The following LRRC9 variants were observed in gnomAD, a reference collection of about 807,000 sequenced individuals.
LRRC9 encodes leucine rich repeat containing 9.
LRRC9 carries 122 observed loss-of-function variants against 63.2 expected under a neutral mutation model. That is an observed-to-expected ratio of 1.93 (90% CI 1.67 to 2.24). The LOEUF (loss-of-function observed/expected upper bound fraction) is 2.24. LRRC9 is among the 30% of genes most tolerant of loss of function. The pLI, the probability that LRRC9 is intolerant of heterozygous loss-of-function variation, is 0.00. For synonymous variants in LRRC9, 366 were observed against 213.1 expected (o/e 1.72, Z -6.25); for missense variants, 1,071 against 627.7 (o/e 1.71, Z -7.55).
chr14:59,937,538 A>T (rs1162802069), intron 6 of LRRC9, among the ~76,000 whole-genome samples: 1 of 152,154 alleles, frequency 6.6e-6, no homozygotes, highest in Non-Finnish European at 1.5e-5. Flanking sequence ...AATTGGGGTG[A>T]AGTTCAGGCC....
chr14:59,959,455 A>G (rs1196506337), intron 8 of LRRC9, among the ~76,000 whole-genome samples: 1 of 152,244 alleles, frequency 6.6e-6, no homozygotes, highest in Non-Finnish European at 1.5e-5. Context: ...TGAATTTTAA[A>G]TATTTGTACT....
chr14:59,946,516 T>C (rs35346401), intron 8 of LRRC9, among the ~76,000 whole-genome samples: 25,778 of 149,562 alleles, frequency 0.17, 2,606 homozygotes, highest in East Asian at 0.28. Flanking sequence ...TTTTTTTTTT[T>C]AAATTATACT....
Position 60,051,717 on chromosome 14 carries a change from C to T in LRRC9, c.3991-1348C>T, listed in dbSNP as rs139877956. 2.2e-3 allele frequency among the ~76,000 whole-genome samples: 328 copies of T among 152,294 alleles called. 2 individuals carry two copies. Among genetic ancestry groups the T allele is most frequent in the African/African-American group, 7.7e-3 (319 of 41,562 alleles). The stretch of plus-strand genomic sequence containing the variant: ...CAGATCTACTGCCTTGCCAGAATCC[C>T]GGCGCTGGAGTATATAAAACTTCTG... On this transcript the variant is annotated intron_variant, in intron 29 of 31. Coordinates refer to ENST00000445360, the Ensembl canonical transcript of LRRC9. This position sits in a 1 kb window ranked among gnomAD's most constrained non-coding sequence, Gnocchi z 4.7.
chr14:59,930,161 A>T lies in LRRC9; in HGVS notation c.268-757A>T, dbSNP rs1889576240. Among the ~76,000 whole-genome samples the T allele has an allele frequency of 6.6e-6, 1 of 152,098 alleles. No homozygotes were observed. Among genetic ancestry groups the T allele is most frequent in the South Asian group, 2.1e-4 (1 of 4,828 alleles). ...AAACATATTCTACTTTTTAGTAATC[A>T]AATCATAACCAGTACTACGTAGTAA... On this transcript the variant is annotated intron_variant, in intron 3 of 31. Coordinates refer to ENST00000445360, the Ensembl canonical transcript of LRRC9. This position sits in a 1 kb window ranked among gnomAD's most constrained non-coding sequence, Gnocchi z 4.9.
intron 29 of LRRC9, among the ~76,000 whole-genome samples, chr14:60,034,489 C>G (rs1892266987): frequency 6.6e-6 from 1 of 151,774 alleles, no homozygotes; most frequent in African/African-American, 2.4e-5. Context: ...CCTTTCATTC[C>G]CATCTCTCAT....
intron 29 of LRRC9, among the ~76,000 whole-genome samples, chr14:60,035,929 T>C (rs1458302345): frequency 6.8e-6 from 1 of 147,070 alleles, no homozygotes; most frequent in Non-Finnish European, 1.5e-5. Context: ...TGTCATTTTT[T>C]TTAACAACAG....
At position 59,947,428 on chromosome 14, in the gene LRRC9, T is replaced by C. The variant is rs1462947281; in HGVS notation, c.882+2684T>C. 5.6e-5 allele frequency among the ~76,000 whole-genome samples: 7 copies of C among 125,134 alleles called. 1 individual carries two copies. Among genetic ancestry groups the C allele is most frequent in the Non-Finnish European group, 1.1e-4 (7 of 60,886 alleles). The allele number at this position is 125,134 out of a possible 152,430, so 82.1% of individuals were successfully genotyped here. ...ATTAGCCCTTTGTCAGATGAGTAGG[T>C]TGCAAAAATTTTCTCCCATGTTGTA... On this transcript the variant is annotated intron_variant, in intron 8 of 31. Transcript: ENST00000445360.
At chr14:60,012,318 C>A (rs181773673) in intron 23 of LRRC9, among the ~76,000 whole-genome samples, 22 of 152,248 alleles carry the variant, frequency 1.4e-4, no homozygotes, top group Middle Eastern at 3.4e-3. Flanking sequence ...CCAACACTCT[C>A]TAGACATATA....
rs182387845 is a variant in LRRC9, at chr14:59,970,169, G to A, written c.1506+2956G>A. Among the ~76,000 whole-genome samples the A allele has an allele frequency of 9.3e-5, 12 of 129,388 alleles. No individual in the cohort carries two copies. In the East Asian group the frequency reaches 2.6e-3, roughly 28 times the overall value. The allele number at this position is 129,388 out of a possible 152,430, so 84.9% of individuals were successfully genotyped here. ...CTGTTGTTCCTCTTTATGTGTTCAT[G>A]TGTTCTCATCATTTAGCTCCCACTT... On this transcript the variant is annotated intron_variant, in intron 12 of 31. Transcript: ENST00000445360.
At chr14:60,038,026 C>T (rs2140358889) in intron 29 of LRRC9, among the ~76,000 whole-genome samples, 1 of 152,308 alleles carries the variant, frequency 6.6e-6, no homozygotes, top group South Asian at 2.1e-4. Context: ...ATAGGGAATC[C>T]TTTCCCCATT....
intron 15 of LRRC9, among the ~76,000 whole-genome samples, chr14:59,979,291 A>C (rs219330): frequency 2.2e-4 from 34 of 152,140 alleles, no homozygotes; most frequent in Non-Finnish European, 4.7e-4. Flanking sequence ...TATGTTGCAA[A>C]TATTTTCTGT....
exon 22 of LRRC9, chr14:60,006,423 C>G: frequency 1.4e-6 from 1 of 692,370 alleles, no homozygotes; most frequent in Non-Finnish European, 2.6e-6. Flanking sequence ...TAAATTAACT[C>G]GCCTCAGCAT....
intron 17 of LRRC9, among the ~76,000 whole-genome samples, chr14:59,987,467 T>TTTTTTTTTTTTTTTTTTTG (rs1887607034): frequency 7.2e-6 from 1 of 138,660 alleles, no homozygotes; most frequent in Non-Finnish European, 1.6e-5. Flanking sequence ...CTCTGTCTTT[T>TTTTTTTTTTTTTTTTTTTG]AAATCTCTTT....
chr14:59,992,841 C>T (rs1011643010), intron 17 of LRRC9, among the ~76,000 whole-genome samples: 7 of 152,122 alleles, frequency 4.6e-5, no homozygotes, highest in Non-Finnish European at 1.0e-4. Flanking sequence ...TTGGTGTACC[C>T]GAAAGTGACA....
intron 17 of LRRC9, 89 bp from the exon 18 acceptor site, chr14:59,997,567 T>A (rs770578706): frequency 1.5e-4 from 87 of 589,964 alleles, no homozygotes; most frequent in Middle Eastern, 3.2e-4. Context: ...CCAGGAAGTG[T>A]GTAAAGTATG....
At chr14:59,950,653 G>C (rs1432666374) in intron 8 of LRRC9, among the ~76,000 whole-genome samples, 1 of 135,898 alleles carries the variant, frequency 7.4e-6, no homozygotes. Flanking sequence ...TCCTTTCCAT[G>C]TTTAGCGCTT....
At chr14:60,020,541 A>G (rs1395359768) in intron 26 of LRRC9, among the ~76,000 whole-genome samples, 1 of 151,934 alleles carries the variant, frequency 6.6e-6, no homozygotes, top group African/African-American at 2.4e-5. Flanking sequence ...ATTTTACTAA[A>G]TTTATAGAGT....
intron 29 of LRRC9, among the ~76,000 whole-genome samples, chr14:60,052,732 C>T (rs1406430984): frequency 6.6e-6 from 1 of 152,090 alleles, no homozygotes; most frequent in East Asian, 1.9e-4. Flanking sequence ...TTAGATAGTG[C>T]CTGTGGGAAA....
At position 59,976,801 on chromosome 14, in the gene LRRC9, T is replaced by C. The variant is rs143637162; in HGVS notation, c.1640-424T>C. Reference sequence around the variant, plus strand: ...AATGAATCCCAAGGATCCTTAAGAATCTAAAGGAAAATGAAATGTTTATTC... The same window carrying C: ...AATGAATCCCAAGGATCCTTAAGAACCTAAAGGAAAATGAAATGTTTATTC... On this transcript the variant is annotated intron_variant, in intron 13 of 31. Transcript: ENST00000445360. Among the ~76,000 whole-genome samples the C allele has an allele frequency of 7.9e-5, 12 of 152,342 alleles. 1 individual carries two copies. Among genetic ancestry groups the C allele is most frequent in the African/African-American group, 2.6e-4 (11 of 41,580 alleles).
Sources: gnomAD v4.1 joint callset for allele counts (sites outside exome capture counted in the v4.1 genomes callset) on GRCh38, gnomAD v4.1.1 for gene constraint, Gnocchi (gnomAD v3.1) non-coding constraint, MANE v1.5 for transcripts, NCBI Gene and HGNC (gene_info 2026-07-23, HGNC 2026-07-21) for gene names.